The following TLE4 variants were observed in gnomAD, a reference collection of about 807,000 sequenced individuals.
TLE4 encodes the protein TLE family member 4, transcriptional corepressor.
In TLE4, 8 loss-of-function variants were observed where a neutral mutation model predicts 92.8. The ratio of observed to expected loss-of-function variants is 0.09; its 90% CI spans 0.05 to 0.16. TLE4 has a LOEUF of 0.16. Among genes scored for constraint, TLE4 ranks in the 10% least tolerant of loss-of-function variants. The pLI is 1.00. For synonymous variants in TLE4, 371 were observed against 374.1 expected (o/e 0.99, Z 0.10); for missense variants, 675 against 997.6 (o/e 0.68, Z 4.36).
At chr9:79,690,478 AT>A (rs1213677347) in intron 8 of TLE4, among the ~76,000 whole-genome samples, 1 of 152,192 alleles carries the variant, frequency 6.6e-6, no homozygotes, top group Non-Finnish European at 1.5e-5. Flanking sequence ...GGTTGATTAG[AT>A]CAGTAGTTAT....
intron 8 of TLE4, among the ~76,000 whole-genome samples, chr9:79,664,634 G>A (rs1027945236): frequency 4.1e-4 from 62 of 152,110 alleles, no homozygotes; most frequent in African/African-American, 1.2e-3. Flanking sequence ...ATACGTAAGC[G>A]TCCAGGAACA....
At chr9:79,606,187 G>GTTGTTTTTTTTTTT (rs2046834923) in intron 4 of TLE4, among the ~76,000 whole-genome samples, 5 of 28,674 alleles carry the variant, frequency 1.7e-4, no homozygotes, top group African/African-American at 2.7e-4. Flanking sequence ...AGTAGTAGTT[G>GTTGTTTTTTTTTTT]TTTTTTTTTT....
intron 11 of TLE4, chr9:79,707,274 C>A: frequency 7.2e-7 from 1 of 1,393,500 alleles, no homozygotes; most frequent in Non-Finnish European, 1.0e-6. Flanking sequence ...TTTGAATTAC[C>A]AAGCTACATA....
At chr9:79,612,311 G>C (rs1158218429) in intron 4 of TLE4, among the ~76,000 whole-genome samples, 1 of 152,122 alleles carries the variant, frequency 6.6e-6, no homozygotes, top group Non-Finnish European at 1.5e-5. Context: ...TTAAGACTTA[G>C]AAGACTGCAG....
At chr9:79,637,836 C>CTGTG (rs147182815) in intron 6 of TLE4, among the ~76,000 whole-genome samples, 1,830 of 150,492 alleles carry the variant, frequency 0.012, 42 homozygotes, top group African/African-American at 0.037. Context: ...GCAGAATTGC[C>CTGTG]TGTGTGTGTG....
At chr9:79,699,428 C>T (rs567794907) in intron 8 of TLE4, among the ~76,000 whole-genome samples, 55 of 152,272 alleles carry the variant, frequency 3.6e-4, no homozygotes, top group African/African-American at 1.3e-3. Flanking sequence ...TATAATTTAT[C>T]GTCTAAACTT....
chr9:79,688,856 T>C (rs2066447101), intron 8 of TLE4, among the ~76,000 whole-genome samples: 1 of 152,068 alleles, frequency 6.6e-6, no homozygotes, highest in South Asian at 2.1e-4. Flanking sequence ...ATTGGTTACT[T>C]GAGCTGCCTG....
chr9:79,681,043 G>C (rs2064451157), intron 8 of TLE4, among the ~76,000 whole-genome samples: 1 of 152,012 alleles, frequency 6.6e-6, no homozygotes, highest in African/African-American at 2.4e-5. Flanking sequence ...ATTTTATTGA[G>C]GATTTTTGCA....
At chr9:79,684,006 CA>C (rs2065264713) in intron 8 of TLE4, among the ~76,000 whole-genome samples, 1 of 152,090 alleles carries the variant, frequency 6.6e-6, no homozygotes, top group African/African-American at 2.4e-5. Flanking sequence ...GCCTGAGAAC[CA>C]AAAGGAATGA....
intron 6 of TLE4, chr9:79,650,004 C>G: frequency 1.6e-6 from 1 of 627,314 alleles, no homozygotes; most frequent in Non-Finnish European, 2.3e-6. Context: ...CAGCCATGAC[C>G]TCCCTGGCTC....
chr9:79,691,254 G>C (rs1376908361), intron 8 of TLE4, among the ~76,000 whole-genome samples: 4 of 152,034 alleles, frequency 2.6e-5, no homozygotes. Context: ...AGTAAAGTAG[G>C]GGCACCAAAA....
At chr9:79,641,682 G>A (rs764432086) in intron 6 of TLE4, among the ~76,000 whole-genome samples, 5 of 152,174 alleles carry the variant, frequency 3.3e-5, no homozygotes, top group Non-Finnish European at 7.4e-5. Context: ...TTTCCCCAGA[G>A]GAGCTGCCTC....
chr9:79,636,575 C>A (rs533723693), intron 6 of TLE4, among the ~76,000 whole-genome samples: 1 of 152,278 alleles, frequency 6.6e-6, no homozygotes, highest in Admixed American at 6.5e-5. Flanking sequence ...TCCTCTGGAT[C>A]CTAGAGTGGT....
At chr9:79,607,490 G>T (rs2047324817) in intron 4 of TLE4, among the ~76,000 whole-genome samples, 1 of 152,140 alleles carries the variant, frequency 6.6e-6, no homozygotes, top group Admixed American at 6.5e-5. Flanking sequence ...TTCTTCTGAG[G>T]TTTTTATGGT....
intron 9 of TLE4, among the ~76,000 whole-genome samples, 163 bp downstream of exon 9, chr9:79,705,065 G>A (rs908339327): frequency 3.3e-5 from 5 of 152,188 alleles, no homozygotes; most frequent in Non-Finnish European, 7.3e-5. Flanking sequence ...TTGGCTAGCT[G>A]AAGTCCTGTG....
At chr9:79,667,486 C>G (rs774318432) in intron 8 of TLE4, among the ~76,000 whole-genome samples, 6 of 152,042 alleles carry the variant, frequency 3.9e-5, no homozygotes, top group Non-Finnish European at 7.4e-5. Flanking sequence ...CCAGGGAATT[C>G]TAAAATATAA....
intron 4 of TLE4, among the ~76,000 whole-genome samples, chr9:79,582,471 C>T (rs1307125741): frequency 6.6e-6 from 1 of 152,180 alleles, no homozygotes; most frequent in Non-Finnish European, 1.5e-5. Context: ...AATACAAGCA[C>T]CAGCCCATTG....
intron 8 of TLE4, among the ~76,000 whole-genome samples, chr9:79,696,454 G>A (rs899924197): frequency 9.9e-5 from 15 of 152,040 alleles, no homozygotes; most frequent in Non-Finnish European, 1.5e-4. Context: ...CCTGATTAGC[G>A]ACCTTAAAAC....
chr9:79,576,959 A>G (rs926684589), intron 4 of TLE4, among the ~76,000 whole-genome samples: 1 of 151,804 alleles, frequency 6.6e-6, no homozygotes, highest in Non-Finnish European at 1.5e-5. Context: ...ATATATACAC[A>G]CACACAAATA....
Sources: gnomAD v4.1 joint callset for allele counts (sites outside exome capture counted in the v4.1 genomes callset) on GRCh38, gnomAD v4.1.1 for gene constraint, MANE v1.5 for transcripts, NCBI Gene and HGNC (gene_info 2026-07-23, HGNC 2026-07-21) for gene names.